Variants in TTC27 observed in about 807,000 individuals in gnomAD.
TTC27 encodes the protein tetratricopeptide repeat protein 27.
A neutral mutation model predicts 115.9 loss-of-function variants in TTC27; 79 were observed. The ratio of observed to expected loss-of-function variants is 0.68; its 90% CI spans 0.57 to 0.82. The LOEUF is 0.82. TTC27 is among the 40% of genes least tolerant of loss of function. The pLI is 0.00. For synonymous variants in TTC27, 401 were observed against 356.0 expected (o/e 1.13, Z -1.42); for missense variants, 1,054 against 993.1 (o/e 1.06, Z -0.82).
chr2:32,788,322 C>A (rs1670415613), intron 16 of TTC27, among the ~76,000 whole-genome samples: 1 of 152,114 alleles, frequency 6.6e-6, no homozygotes, highest in Non-Finnish European at 1.5e-5. Context: ...TAGAATCACA[C>A]ACTGTCAGAG....
chr2:32,815,057 T>C (rs1671452947), intron 18 of TTC27, among the ~76,000 whole-genome samples: 1 of 152,082 alleles, frequency 6.6e-6, no homozygotes. Context: ...CATCATTGTG[T>C]GCTCATTTGT....
At chr2:32,728,765 A>C (rs1359869302) in intron 10 of TTC27, among the ~76,000 whole-genome samples, 1 of 152,188 alleles carries the variant, frequency 6.6e-6, no homozygotes, top group Non-Finnish European at 1.5e-5. Context: ...CTGGGTTCAC[A>C]ATAAGTTTAA....
At chr2:32,677,237 A>G (rs1666242309) in intron 8 of TTC27, among the ~76,000 whole-genome samples, 1 of 152,268 alleles carries the variant, frequency 6.6e-6, no homozygotes, top group African/African-American at 2.4e-5. Flanking sequence ...ACTTTGCAGT[A>G]TAGCATTCTG....
At chr2:32,688,496 C>G (rs1304873319) in intron 9 of TTC27, among the ~76,000 whole-genome samples, 5 of 151,994 alleles carry the variant, frequency 3.3e-5, no homozygotes, top group African/African-American at 9.7e-5. Context: ...CAGCCATAGA[C>G]TAGGAGAAAA....
In TTC27 at chr2:32,699,062, GT is replaced by G. The variant is rs544327950; in HGVS notation, c.1120-3744del. ...CGAAGAACCACCTTTGTATGCCCTT[GT>G]CCCTTTGTAAAAGAAGACAGAAGAA... On this transcript the variant is annotated intron_variant, in intron 9 of 19. Transcript: ENST00000317907. Among the ~76,000 whole-genome samples, 87 of 152,260 alleles carry G rather than the reference GT, an allele frequency of 5.7e-4. 1 individual carries two copies. Among genetic ancestry groups the G allele is most frequent in the Non-Finnish European group, 6.2e-4 (42 of 68,022 alleles).
chr2:32,700,160 A>G (rs1421430370), intron 9 of TTC27, among the ~76,000 whole-genome samples: 1 of 152,216 alleles, frequency 6.6e-6, no homozygotes, highest in East Asian at 1.9e-4. Context: ...TGGAGGGGCC[A>G]GATGTGCTTT....
At chr2:32,687,624 G>A (rs78104809) in intron 9 of TTC27, among the ~76,000 whole-genome samples, 3,912 of 152,220 alleles carry the variant, frequency 0.026, 73 homozygotes, top group Middle Eastern at 0.041. Context: ...ATTATCCCAT[G>A]AAAACAGTAA....
At chr2:32,663,573 G>T (rs146665873) in intron 5 of TTC27, among the ~76,000 whole-genome samples, 190 of 152,294 alleles carry the variant, frequency 1.2e-3, no homozygotes, top group African/African-American at 4.0e-3. Context: ...CTTCTGCCTT[G>T]ATTTCGCTGG....
At chr2:32,762,689 A>G (rs1239986492) in intron 13 of TTC27, among the ~76,000 whole-genome samples, 1 of 151,660 alleles carries the variant, frequency 6.6e-6, no homozygotes, top group Non-Finnish European at 1.5e-5. Context: ...GCTGGAGTGC[A>G]GTGGCGCGAT....
chr2:32,638,658 A>G (rs953589932), intron 3 of TTC27, among the ~76,000 whole-genome samples: 16 of 152,054 alleles, frequency 1.1e-4, no homozygotes, highest in African/African-American at 3.4e-4. Context: ...GATTACAGGC[A>G]TGAGCCACTG....
intron 10 of TTC27, among the ~76,000 whole-genome samples, chr2:32,727,590 C>T (rs915210983): frequency 2.6e-5 from 4 of 152,102 alleles, no homozygotes; most frequent in African/African-American, 9.7e-5. Flanking sequence ...TGTGTGAGGA[C>T]AGATTTCCTC....
At chr2:32,723,812 T>C (rs1048458331) in intron 10 of TTC27, among the ~76,000 whole-genome samples, 1 of 143,414 alleles carries the variant, frequency 7.0e-6, no homozygotes, top group Non-Finnish European at 1.5e-5. Flanking sequence ...CTTTCTCTCT[T>C]TCTTTCTTCC....
chr2:32,733,783 A>G (rs1361461295), intron 10 of TTC27, 45 bp from the exon 11 acceptor site: 3 of 1,248,198 alleles, frequency 2.4e-6, no homozygotes. Context: ...TATTTATATT[A>G]TAAGTTATAC....
At chr2:32,681,772 A>T (rs957202912) in intron 9 of TTC27, among the ~76,000 whole-genome samples, 6 of 151,592 alleles carry the variant, frequency 4.0e-5, no homozygotes, top group Non-Finnish European at 7.4e-5. Flanking sequence ...TATTAAATGC[A>T]TTTTGACTTA....
chr2:32,689,056 CAACAGCA>C (rs1230527041), intron 9 of TTC27, among the ~76,000 whole-genome samples: 1 of 152,032 alleles, frequency 6.6e-6, no homozygotes, highest in Admixed American at 6.6e-5. Flanking sequence ...CTGATAAATG[CAACAGCA>C]TGGATGAATC....
chr2:32,819,942 C>G (rs1288339190), intron 19 of TTC27, among the ~76,000 whole-genome samples: 1 of 152,182 alleles, frequency 6.6e-6, no homozygotes, highest in African/African-American at 2.4e-5. Context: ...TTTAAAAACG[C>G]ACACACAAAA....
At chr2:32,631,592 C>T (rs2151857813) in intron 2 of TTC27, among the ~76,000 whole-genome samples, 1 of 152,224 alleles carries the variant, frequency 6.6e-6, no homozygotes, top group Middle Eastern at 3.4e-3. Context: ...CTATCTGTGG[C>T]AACCATGTCA....
intron 8 of TTC27, among the ~76,000 whole-genome samples, chr2:32,674,550 G>GAA (rs1202236685): frequency 6.6e-6 from 1 of 152,124 alleles, no homozygotes; most frequent in African/African-American, 2.4e-5. Context: ...TTATATAAAA[G>GAA]TTGAATTCAG....
At chr2:32,805,114 G>T (rs1416022068) in intron 16 of TTC27, among the ~76,000 whole-genome samples, 1 of 152,194 alleles carries the variant, frequency 6.6e-6, no homozygotes, top group Non-Finnish European at 1.5e-5. Context: ...CCAGGACTCA[G>T]ACTGAATTCA....
Sources: allele counts gnomAD v4.1 joint callset (sites outside exome capture counted in the v4.1 genomes callset), GRCh38; gene constraint gnomAD v4.1.1; transcripts MANE v1.5; gene names NCBI Gene and HGNC (gene_info 2026-07-23, HGNC 2026-07-21).